MICAL3: variants seen among roughly 807,000 people sequenced by gnomAD.
MICAL3 encodes the protein [F-actin]-monooxygenase MICAL3.
In MICAL3, 62 loss-of-function variants were observed where a neutral mutation model predicts 207.4. The ratio of observed to expected loss-of-function variants is 0.30; its 90% CI spans 0.24 to 0.37. The LOEUF (loss-of-function observed/expected upper bound fraction) is 0.37, where lower values mean the gene tolerates loss of function less well. Ranked by LOEUF, MICAL3 falls within the 10% of genes least tolerant of loss-of-function variation. MICAL3 has a pLI of 1.00. For missense variants in MICAL3, 2,368 were observed against 2,635.6 expected (o/e 0.90, Z 2.22); for synonymous variants, 1,077 against 1,069.3 (o/e 1.01, Z -0.14).
chr22:17,815,424 C>G (rs2062094193), intron 27 of MICAL3: 1 of 152,278 alleles, frequency 6.6e-6, no homozygotes, highest in Non-Finnish European at 1.5e-5. Flanking sequence ...ACCACATTCT[C>G]CATTCTTTGC....
chr22:17,893,775 C>T lies in MICAL3; in HGVS notation c.1546+33G>A, dbSNP rs754884712. 81 of 1,462,866 alleles carry T rather than the reference C, an allele frequency of 5.5e-5. No homozygotes were observed. In the African/African-American group the frequency reaches 9.8e-4, roughly 18 times the overall value. 90.6% of individuals were successfully genotyped at this position (1,462,866 alleles called of 1,614,324 possible). A position where few individuals can be genotyped will look rare whatever the true frequency, so the allele number is the denominator to read the frequency against. On this transcript the variant is annotated intron_variant, in intron 11 of 31. Coordinates refer to ENST00000441493, the MANE Select transcript of MICAL3 (RefSeq NM_015241.3). ...AGTATAGACTTCTCTGAAGGGGCTG[C>T]CTGCATTTTAAAAAGCCACCACCAG...
intron 1 of MICAL3, among the ~76,000 whole-genome samples, chr22:17,976,185 T>C (rs1429375134): frequency 6.6e-6 from 1 of 152,216 alleles, no homozygotes; most frequent in Non-Finnish European, 1.5e-5. Flanking sequence ...TGCCAAAATA[T>C]GTTGTGGGGA....
chr22:17,870,442 G>T (rs1927609449), intron 17 of MICAL3, among the ~76,000 whole-genome samples: 1 of 152,150 alleles, frequency 6.6e-6, no homozygotes, highest in Admixed American at 6.5e-5. Context: ...CATCCCCATA[G>T]GACAGTGAGC....
At position 17,818,041 on chromosome 22, in the gene MICAL3, C is replaced by T; in HGVS notation, c.4620G>A (p.Gln1540=). Residue 1540 remains glutamine (Q), a synonymous_variant, in exon 26 of 32, where the codon CAG becomes CAA. Transcript: ENST00000441493. ...YDDKTEDSSL[Q]EKFFTPPSCW... is the part of the protein sequence containing the mutation. Reference sequence around the variant, plus strand: ...AGGACGGGGGCGTGAAGAATTTCTCCTGCAGGCTTGAGTCCTCAGTCTTGT... The same window carrying T: ...AGGACGGGGGCGTGAAGAATTTCTCTTGCAGGCTTGAGTCCTCAGTCTTGT... 2 of 1,612,870 alleles carry T rather than the reference C, an allele frequency of 1.2e-6. No individual in the cohort carries two copies. The highest frequency in any genetic ancestry group is 8.5e-7 in the Non-Finnish European group (1 of 1,179,762).
At chr22:17,863,423 T>C in intron 19 of MICAL3, 1 of 985,344 alleles carries the variant, frequency 1.0e-6, no homozygotes, top group Non-Finnish European at 1.2e-6. Flanking sequence ...CTAGACCCCT[T>C]TGGTTATTTT....
rs772834087 is a variant in MICAL3 at position 17,817,693 on chromosome 22, CCT to C, written c.4966_4967del (p.Arg1656GlyfsTer10). The C allele has an allele frequency of 6.2e-7, 1 of 1,604,800 alleles. No homozygotes were observed. On this transcript the variant is annotated frameshift_variant, in exon 26 of 32. Transcript: ENST00000441493. LOFTEE classifies it high-confidence loss of function. ...RPDSPTRPTL[R>X]GSEEPTLKHE... ...GCTTCAGGGTGGGCTCCTCGGAGCCCCTGAGAGTGGGGCGTGTGGGGGAGTCA... is the reference window on the plus strand; with the variant it reads ...GCTTCAGGGTGGGCTCCTCGGAGCCCGAGAGTGGGGCGTGTGGGGGAGTCA...
rs762866861 is a variant in MICAL3, at chr22:17,818,248, G to A, written c.4413C>T (p.Thr1471=). The change falls in exon 26 of 32, where the codon ACC becomes ACT. Residue 1471 remains threonine, a synonymous_variant. Coordinates refer to ENST00000441493, the MANE Select transcript of MICAL3 (RefSeq NM_015241.3). The stretch of plus-strand genomic sequence containing the variant: ...CGGCCTCCCTGAGCTTCCTCCGCAA[G>A]GTGGCGGGCTCCTCGCCCGGGGGTG... The part of the protein sequence containing the change: ...PPPPPGEEPA[T]LRRKLREAEP... 2.6e-6 allele frequency: 4 copies of A among 1,528,842 alleles called. No individual in the cohort carries two copies. The South Asian group carries it at 4.8e-5, about 18-fold the overall frequency. 94.7% of individuals were successfully genotyped at this position (1,528,842 alleles called of 1,614,324 possible).
intron 1 of MICAL3, among the ~76,000 whole-genome samples, chr22:17,963,152 G>A (rs1390183649): frequency 6.6e-6 from 1 of 152,010 alleles, no homozygotes; most frequent in Non-Finnish European, 1.5e-5. Flanking sequence ...TCACTCTGTC[G>A]CCCAGACTGT....
Position 17,875,631 on chromosome 22 carries a change from G to A in MICAL3, c.2242-3608C>T, listed in dbSNP as rs555936343. On this transcript the variant is annotated intron_variant, in intron 16 of 31. Coordinates refer to ENST00000441493, the MANE Select transcript of MICAL3 (RefSeq NM_015241.3). ...GTCACACACTGACCTCTGAACATAA[G>A]ATGGTTGTAGAGCCTTTTACTCTAG... The A allele has an allele frequency of 1.6e-4, 104 of 657,452 alleles. 3 individuals carry two copies. The African/African-American group carries it at 1.7e-3, about 11-fold the overall frequency. 40.7% of individuals were successfully genotyped at this position (657,452 alleles called of 1,614,324 possible).
At chr22:17,831,470 C>T (rs1922801932) in intron 21 of MICAL3, among the ~76,000 whole-genome samples, 1 of 152,324 alleles carries the variant, frequency 6.6e-6, no homozygotes, top group African/African-American at 2.4e-5. Context: ...AAACCCTAGA[C>T]TAGGATCAGG....
chr22:17,893,601 C>T (rs968815821), intron 11 of MICAL3, among the ~76,000 whole-genome samples: 2 of 152,190 alleles, frequency 1.3e-5, no homozygotes, highest in African/African-American at 4.8e-5. Context: ...ATCCCTGGCT[C>T]CTGCCCACCC....
intron 1 of MICAL3, among the ~76,000 whole-genome samples, chr22:17,908,130 A>C (rs1931874303): frequency 6.6e-6 from 1 of 152,150 alleles, no homozygotes; most frequent in African/African-American, 2.4e-5. Context: ...ACAAAGGACA[A>C]AACTAGTGAG....
intron 1 of MICAL3, among the ~76,000 whole-genome samples, chr22:18,001,770 G>A (rs1391643168): frequency 6.6e-6 from 1 of 152,240 alleles, no homozygotes; most frequent in South Asian, 2.1e-4. Context: ...ATTCCTCAAA[G>A]CCCAACGGGA....
At chr22:17,876,873 AGGGAG>A (rs1928537066) in intron 16 of MICAL3, 1 of 141,754 alleles carries the variant, frequency 7.1e-6, no homozygotes, top group Non-Finnish European at 1.5e-5. Context: ...TAGGGAGGTT[AGGGAG>A]GTTAGGGAGG....
intron 1 of MICAL3, among the ~76,000 whole-genome samples, chr22:17,914,248 G>GA (rs1184406968): frequency 6.8e-6 from 1 of 147,620 alleles, no homozygotes; most frequent in Non-Finnish European, 1.5e-5. Flanking sequence ...ATCTGTTCTA[G>GA]AAAGCGTGAG....
chr22:17,824,713 C>A (rs768288856), intron 22 of MICAL3, among the ~76,000 whole-genome samples: 35 of 152,242 alleles, frequency 2.3e-4, no homozygotes, highest in African/African-American at 8.4e-4. Context: ...CGTTGCTGGC[C>A]GTGCCAAATG....
chr22:17,948,052 C>T (rs1264927187), intron 1 of MICAL3, among the ~76,000 whole-genome samples: 2 of 152,140 alleles, frequency 1.3e-5, no homozygotes, highest in Non-Finnish European at 2.9e-5. Flanking sequence ...GCCTCTGCTC[C>T]TGTAAAGCAA....
At chr22:17,867,833 C>T (rs1412157776) in intron 17 of MICAL3, among the ~76,000 whole-genome samples, 1 of 152,234 alleles carries the variant, frequency 6.6e-6, no homozygotes, top group African/African-American at 2.4e-5. Flanking sequence ...TTGCTTATTA[C>T]AGTAACAGAA....
In MICAL3 at chr22:17,818,491, G is replaced by C; in HGVS notation, c.4170C>G (p.Gly1390=). 2.5e-6 allele frequency: 4 copies of C among 1,613,002 alleles called. No homozygotes were observed. The highest frequency in any genetic ancestry group is 3.4e-6 in the Non-Finnish European group (4 of 1,179,888). ...LKPLSIPKRL[G]LPKPEGEPLS... ...ACGGCTCGCCTTCCGGCTTTGGCAG[G>C]CCCAGCCTTTTGGGGATGGACAGAG... Residue 1390 remains glycine (G), a synonymous_variant, in exon 26 of 32, where the codon GGC becomes GGG. Coordinates refer to ENST00000441493, the MANE Select transcript of MICAL3 (RefSeq NM_015241.3).
Sources: allele counts gnomAD v4.1 joint callset (sites outside exome capture counted in the v4.1 genomes callset), GRCh38; gene constraint gnomAD v4.1.1; transcripts MANE v1.5; gene names NCBI Gene and HGNC (gene_info 2026-07-23, HGNC 2026-07-21).